Variants in SEC14L1 observed in about 807,000 individuals in gnomAD.
SEC14L1 encodes the protein SEC14-like protein 1.
SEC14L1 carries 48 observed loss-of-function variants against 85.3 expected under a neutral mutation model. The ratio of observed to expected loss-of-function variants is 0.56; its 90% CI spans 0.45 to 0.72. The LOEUF is 0.72. SEC14L1 is among the 30% of genes least tolerant of loss of function. The pLI, the probability that SEC14L1 is intolerant of heterozygous loss-of-function variation, is 0.00. For synonymous variants in SEC14L1, 391 were observed against 355.5 expected, an observed-to-expected ratio of 1.10 and a Z score of -1.12; for missense variants, 682 against 921.4, an observed-to-expected ratio of 0.74 and a Z score of 3.36.
chr17:77,104,819 T>TG (rs1971870680), intron 3 of SEC14L1, among the ~76,000 whole-genome samples: 3 of 151,130 alleles, frequency 2.0e-5, no homozygotes, highest in African/African-American at 7.4e-5. Context: ...AAAGTTTTTT[T>TG]TTGTGTGTGT....
intron 7 of SEC14L1, 114 bp from the exon 8 acceptor site, chr17:77,196,088 T>C: frequency 1.3e-6 from 1 of 744,774 alleles, no homozygotes; most frequent in Non-Finnish European, 2.3e-6. Flanking sequence ...ATCTCTGCGG[T>C]TTCATGTGCC....
intron 8 of SEC14L1, among the ~76,000 whole-genome samples, chr17:77,198,327 A>G (rs1040700457): frequency 2.6e-5 from 4 of 152,344 alleles, no homozygotes; most frequent in East Asian, 3.9e-4. Context: ...TGTAAACCCA[A>G]ATATAAAACC....
At position 77,213,517 on chromosome 17, in the gene SEC14L1, G is replaced by A. The variant is rs777566367; in HGVS notation, c.2042+25G>A. On this transcript the variant is annotated intron_variant, in intron 16 of 16. Transcript: ENST00000436233. This position sits in a 1 kb window ranked among gnomAD's most constrained non-coding sequence, Gnocchi z 7.1. Reference sequence around the variant, plus strand: ...GGTGCGGCCACCCTCGCCACAGCAGGTGCTGCGGACAGCTGGGCATGGTTG... The same window carrying A: ...GGTGCGGCCACCCTCGCCACAGCAGATGCTGCGGACAGCTGGGCATGGTTG... 1.2e-6 allele frequency: 2 copies of A among 1,602,398 alleles called. No individual in the cohort carries two copies. Among genetic ancestry groups the A allele is most frequent in the Non-Finnish European group, 1.7e-6 (2 of 1,179,764 alleles).
rs183112579 is a variant in SEC14L1 at position 77,123,112 on chromosome 17, C to T, written c.-135-19534C>T. On this transcript the variant is annotated intron_variant, in intron 3 of 19. Coordinates refer to the SEC14L1 transcript ENST00000392476. ...ATTGCCATGCTGGAGTGCAGTGGCA[C>T]GATCTCGGCTCACTGAAACCTCCGC... 7.8e-4 allele frequency among the ~76,000 whole-genome samples: 118 copies of T among 151,402 alleles called. 1 individual carries two copies. The Middle Eastern group carries it at 0.014, about 18-fold the overall frequency.
chr17:77,150,934 A>C (rs1052493253), intron 3 of SEC14L1, among the ~76,000 whole-genome samples: 1 of 152,186 alleles, frequency 6.6e-6, no homozygotes, highest in Non-Finnish European at 1.5e-5. Context: ...TTTTCAGTCC[A>C]TCGTTCATCT....
intron 3 of SEC14L1, among the ~76,000 whole-genome samples, chr17:77,164,553 T>C (rs911711482): frequency 6.6e-6 from 1 of 152,212 alleles, no homozygotes; most frequent in African/African-American, 2.4e-5. Context: ...GTTGTCCAGC[T>C]GGGATTCAAA....
At chr17:77,155,336 A>C (rs1019270551) in intron 3 of SEC14L1, among the ~76,000 whole-genome samples, 2 of 151,912 alleles carry the variant, frequency 1.3e-5, no homozygotes, top group Admixed American at 6.6e-5. Context: ...ACACCCACAC[A>C]CCCACCCCAG....
At chr17:77,108,814 A>G (rs1348370154) in intron 3 of SEC14L1, among the ~76,000 whole-genome samples, 1 of 144,822 alleles carries the variant, frequency 6.9e-6, no homozygotes, top group Non-Finnish European at 1.5e-5. Flanking sequence ...AAGAATGTAT[A>G]TGTCATCTGT....
chr17:77,141,285 C>G, intron 1 of SEC14L1, 178 bp downstream of exon 1: 1 of 140,730 alleles, frequency 7.1e-6, no homozygotes, highest in African/African-American at 2.7e-5. Flanking sequence ...GCCCCCGCCC[C>G]CCTGCTCGCC....
intron 3 of SEC14L1, among the ~76,000 whole-genome samples, chr17:77,162,626 A>C (rs1451136153): frequency 6.6e-6 from 1 of 152,040 alleles, no homozygotes; most frequent in Non-Finnish European, 1.5e-5. Flanking sequence ...TGAGGTCGGG[A>C]GTTCGAGAGC....
intron 3 of SEC14L1, among the ~76,000 whole-genome samples, chr17:77,178,991 T>G (rs1974884886): frequency 6.6e-6 from 1 of 152,212 alleles, no homozygotes; most frequent in Non-Finnish European, 1.5e-5. Context: ...TGAAGAGCCA[T>G]GCTGTTTCCT....
At chr17:77,111,344 G>C (rs142181185) in intron 3 of SEC14L1, among the ~76,000 whole-genome samples, 1,841 of 152,132 alleles carry the variant, frequency 0.012, 14 homozygotes, top group Non-Finnish European at 0.019. Flanking sequence ...TGATAGAAAG[G>C]GAATGTTGAG....
At chr17:77,151,665 A>G (rs150706844) in intron 3 of SEC14L1, among the ~76,000 whole-genome samples, 42 of 152,324 alleles carry the variant, frequency 2.8e-4, no homozygotes, top group African/African-American at 9.9e-4. Flanking sequence ...AGAGAGAATC[A>G]TATAATAAAT....
chr17:77,180,050 TA>T (rs879427171), intron 3 of SEC14L1, among the ~76,000 whole-genome samples: 591 of 17,770 alleles, frequency 0.033, 7 homozygotes, highest in Admixed American at 0.17. Flanking sequence ...TTTGTTTTGT[TA>T]TGTTATGTTA....
upstream of SEC14L1, among the ~76,000 whole-genome samples, chr17:77,136,077 G>A (rs1972789102): frequency 6.6e-6 from 1 of 151,686 alleles, no homozygotes. Flanking sequence ...CGGGTTTCAT[G>A]TGTTAGCCAG....
intron 3 of SEC14L1, among the ~76,000 whole-genome samples, chr17:77,119,307 CAA>C (rs11356968): frequency 0.016 from 1,641 of 103,920 alleles, 34 homozygotes; most frequent in Admixed American, 0.058. Flanking sequence ...GACTCCATCC[CAA>C]AAAAAAAAAA....
intron 3 of SEC14L1, among the ~76,000 whole-genome samples, chr17:77,182,673 G>A (rs1002191741): frequency 2.0e-5 from 3 of 152,202 alleles, no homozygotes; most frequent in East Asian, 1.9e-4. Context: ...TGTTGGGCGT[G>A]ATTAGGAAAT....
chr17:77,175,553 G>A (rs1974715675), intron 3 of SEC14L1, among the ~76,000 whole-genome samples: 1 of 152,234 alleles, frequency 6.6e-6, no homozygotes, highest in South Asian at 2.1e-4. Context: ...TCACTGTGGT[G>A]CCCGGGCAGC....
intron 3 of SEC14L1, among the ~76,000 whole-genome samples, chr17:77,129,049 G>C (rs1972535645): frequency 6.6e-6 from 1 of 152,120 alleles, no homozygotes; most frequent in Admixed American, 6.6e-5. Context: ...ATTTAAGATG[G>C]GGAAGGATTT....
Sources: allele counts gnomAD v4.1 joint callset (sites outside exome capture counted in the v4.1 genomes callset), GRCh38; gene constraint gnomAD v4.1.1; non-coding constraint Gnocchi (gnomAD v3.1); transcripts MANE v1.5; gene names NCBI Gene and HGNC (gene_info 2026-07-23, HGNC 2026-07-21).